Variants in CTNND2 observed in about 807,000 individuals in gnomAD.
The protein encoded by CTNND2 is catenin delta-2.
Under a neutral mutation model 144.4 loss-of-function variants are expected in CTNND2, and 22 were observed. The observed-to-expected ratio is 0.15, with a 90% CI of 0.11 to 0.22. The LOEUF (loss-of-function observed/expected upper bound fraction) is 0.22. Ranked by LOEUF, CTNND2 falls within the 10% of genes least tolerant of loss-of-function variation. The probability of loss-of-function intolerance (pLI) is 1.00; values close to 1 mark genes in which losing one functional copy is unlikely to be tolerated. For synonymous variants in CTNND2, 751 were observed against 695.6 expected, an observed-to-expected ratio of 1.08 and a Z score of -1.25; for missense variants, 1,353 against 1,618.8, an observed-to-expected ratio of 0.84 and a Z score of 2.82.
chr5:11,315,192 C>T (rs1342364498), intron 9 of CTNND2, among the ~76,000 whole-genome samples: 1 of 152,126 alleles, frequency 6.6e-6, no homozygotes, highest in Non-Finnish European at 1.5e-5. Context: ...ATGATCCTCT[C>T]CATACTACCT....
intron 1 of CTNND2, among the ~76,000 whole-genome samples, chr5:11,787,877 A>T (rs1790917991): frequency 6.6e-6 from 1 of 152,214 alleles, no homozygotes; most frequent in Non-Finnish European, 1.5e-5. Flanking sequence ...TTTTCCTTAG[A>T]AGTGCAAATA....
intron 9 of CTNND2, among the ~76,000 whole-genome samples, chr5:11,309,574 C>T (rs766038678): frequency 1.3e-5 from 2 of 152,160 alleles, no homozygotes; most frequent in Non-Finnish European, 2.9e-5. Context: ...TTTTCAGGCT[C>T]ATCCATGGAA....
At chr5:11,478,149 G>C (rs1190228777) in intron 3 of CTNND2, among the ~76,000 whole-genome samples, 1 of 149,278 alleles carries the variant, frequency 6.7e-6, no homozygotes, top group Non-Finnish European at 1.5e-5. Context: ...TGCATGGATG[G>C]ATATAAGTAT....
At chr5:11,795,817 G>A (rs1468196900) in intron 1 of CTNND2, among the ~76,000 whole-genome samples, 1 of 152,200 alleles carries the variant, frequency 6.6e-6, no homozygotes, top group Non-Finnish European at 1.5e-5. Flanking sequence ...GTGGAGAAAA[G>A]GTTACCACAG....
At chr5:11,550,648 T>C (rs1015997270) in intron 3 of CTNND2, among the ~76,000 whole-genome samples, 3 of 152,226 alleles carry the variant, frequency 2.0e-5, no homozygotes, top group African/African-American at 7.2e-5. Context: ...CTGGGACTTA[T>C]GAATACAGCG....
chr5:11,420,167 C>CA (rs1217577212), intron 3 of CTNND2, among the ~76,000 whole-genome samples: 1 of 151,992 alleles, frequency 6.6e-6, no homozygotes, highest in African/African-American at 2.4e-5. Flanking sequence ...GCTAAAAATA[C>CA]AAAAAATTAG....
At chr5:11,644,904 T>C (rs866820445) in intron 2 of CTNND2, among the ~76,000 whole-genome samples, 14 of 152,218 alleles carry the variant, frequency 9.2e-5, no homozygotes, top group Admixed American at 7.8e-4. Context: ...TTCAGTTTGA[T>C]GGCAAAAAAG....
intron 9 of CTNND2, among the ~76,000 whole-genome samples, chr5:11,248,487 A>G (rs1743240935): frequency 6.6e-6 from 1 of 152,160 alleles, no homozygotes; most frequent in Admixed American, 6.5e-5. Flanking sequence ...ATGCATATAT[A>G]CACATATAAT....
chr5:11,198,488 T>C (rs188558603), intron 11 of CTNND2, among the ~76,000 whole-genome samples: 81 of 152,360 alleles, frequency 5.3e-4, no homozygotes, highest in Admixed American at 1.2e-3. Context: ...GCTTGAATAA[T>C]GTATTTTCTT....
intron 1 of CTNND2, among the ~76,000 whole-genome samples, chr5:11,805,593 A>C (rs1311912242): frequency 6.6e-6 from 1 of 152,142 alleles, no homozygotes; most frequent in Non-Finnish European, 1.5e-5. Flanking sequence ...AGCCCCTTTG[A>C]AGAAAGCTAG....
At chr5:11,467,423 C>T (rs1405595417) in intron 3 of CTNND2, among the ~76,000 whole-genome samples, 1 of 152,220 alleles carries the variant, frequency 6.6e-6, no homozygotes, top group Non-Finnish European at 1.5e-5. Flanking sequence ...GAGAAGGTCC[C>T]TGCCATTTTT....
Position 11,744,668 on chromosome 5 carries a change from A to AGTGT in CTNND2, c.38-12400_38-12397dup, listed in dbSNP as rs529940170. On this transcript the variant is annotated intron_variant, in intron 1 of 21. Transcript: ENST00000304623. The stretch of plus-strand genomic sequence containing the variant: ...TGCTGTTGGTAGATCCTTGAAGAGG[A>AGTGT]GTGTGTGTGTGTGTGTTTGTGTGTG... Among the ~76,000 whole-genome samples the AGTGT allele has an allele frequency of 6.7e-3, 662 of 98,740 alleles. 7 individuals carry two copies. The highest frequency in any genetic ancestry group is 0.06 in the East Asian group (202 of 3,358). 64.8% of individuals were successfully genotyped at this position (98,740 alleles called of 152,430 possible).
At chr5:11,307,515 C>T (rs1410275520) in intron 9 of CTNND2, among the ~76,000 whole-genome samples, 2 of 152,070 alleles carry the variant, frequency 1.3e-5, no homozygotes, top group African/African-American at 4.8e-5. Flanking sequence ...GCTTGCTGAA[C>T]AATGCCTATA....
At chr5:11,287,818 T>C (rs1580802942) in intron 9 of CTNND2, among the ~76,000 whole-genome samples, 1 of 152,312 alleles carries the variant, frequency 6.6e-6, no homozygotes, top group East Asian at 1.9e-4. Flanking sequence ...TCCTCAATTA[T>C]AATTTGAATC....
At chr5:11,537,841 A>G (rs1324715530) in intron 3 of CTNND2, among the ~76,000 whole-genome samples, 1 of 152,216 alleles carries the variant, frequency 6.6e-6, no homozygotes, top group African/African-American at 2.4e-5. Context: ...CCTATTCACA[A>G]ACTACTTTAT....
chr5:11,714,644 C>T (rs1786246681), intron 2 of CTNND2, among the ~76,000 whole-genome samples: 1 of 152,126 alleles, frequency 6.6e-6, no homozygotes, highest in Admixed American at 6.5e-5. Flanking sequence ...CAGTGGTTCA[C>T]ACCTGTAATC....
chr5:10,973,153 T>C lies in CTNND2; in HGVS notation c.*300A>G. 1 of 269,476 alleles carries C rather than the reference T, an allele frequency of 3.7e-6. No homozygotes were observed. Among genetic ancestry groups the C allele is most frequent in the Admixed American group, 5.0e-5 (1 of 20,194 alleles). The allele number at this position is 269,476 out of a possible 1,614,324, so 16.7% of individuals were successfully genotyped here. Reference sequence around the variant, plus strand: ...GCCCCACCGGCCCGAATGCCTCGTCTCTCCTCCCATCAACCACGTTCAGTA... The same window carrying C: ...GCCCCACCGGCCCGAATGCCTCGTCCCTCCTCCCATCAACCACGTTCAGTA... On this transcript the variant is annotated 3_prime_UTR_variant, in exon 22 of 22. Transcript: ENST00000304623. The surrounding 1 kb of genome is among the most constrained non-coding windows in gnomAD (Gnocchi z 5.6).
intron 7 of CTNND2, among the ~76,000 whole-genome samples, chr5:11,379,039 T>TTCTGATGTTTGACATCAACTG (rs1220676419): frequency 6.6e-6 from 1 of 152,222 alleles, no homozygotes; most frequent in African/African-American, 2.4e-5. Flanking sequence ...CAAAATAAGC[T>TTCTGATGTTTGACATCAACTG]TCTGATGTTT....
chr5:11,170,516 A>G (rs1759790603), intron 11 of CTNND2, among the ~76,000 whole-genome samples: 1 of 152,196 alleles, frequency 6.6e-6, no homozygotes, highest in Non-Finnish European at 1.5e-5. Flanking sequence ...CTACTTTTAC[A>G]ACTAATTTTT....
Sources: gnomAD v4.1 joint callset for allele counts (sites outside exome capture counted in the v4.1 genomes callset) on GRCh38, gnomAD v4.1.1 for gene constraint, Gnocchi (gnomAD v3.1) non-coding constraint, MANE v1.5 for transcripts, NCBI Gene and HGNC (gene_info 2026-07-23, HGNC 2026-07-21) for gene names.